The following DSCAM variants were observed in gnomAD, a reference collection of about 807,000 sequenced individuals.
DSCAM encodes the protein DS cell adhesion molecule, also known as cell adhesion molecule DSCAM.
Under a neutral mutation model 217.7 loss-of-function variants are expected in DSCAM, and 47 were observed. That is an observed-to-expected ratio of 0.22 (90% CI 0.17 to 0.28). The LOEUF (loss-of-function observed/expected upper bound fraction) is 0.28. Ranked by LOEUF, DSCAM falls within the 10% of genes least tolerant of loss-of-function variation. The pLI, the probability that DSCAM is intolerant of heterozygous loss-of-function variation, is 1.00. For missense variants in DSCAM, 2,080 were observed against 2,618.3 expected, an observed-to-expected ratio of 0.79 and a Z score of 4.49; for synonymous variants, 1,056 against 1,015.3, an observed-to-expected ratio of 1.04 and a Z score of -0.76.
At position 40,312,191 on chromosome 21, in the gene DSCAM, G is replaced by A. The variant is rs778265366; in HGVS notation, c.1952C>T (p.Thr651Met). 7.4e-6 allele frequency: 12 copies of A among 1,613,996 alleles called. No individual in the cohort carries two copies. Among genetic ancestry groups the A allele is most frequent in the South Asian group, 5.5e-5 (5 of 91,072 alleles). The change falls in exon 9 of 33, where the codon ACG becomes ATG. Residue 651 changes from threonine to methionine, a missense_variant. Physicochemically the swap from Thr to Met is moderately conservative, Grantham distance 81. Transcript: ENST00000400454. ...GAGATTGGAAATCCTCAAGGAGCTC[G>A]TGAAGTCAATATTGTCAATGGTCAC... ...LGVTIDNIDF[T>M]SSLRISNLSL... is the part of the protein sequence containing the mutation.
At chr21:40,579,678 G>A (rs189155334) in intron 3 of DSCAM, among the ~76,000 whole-genome samples, 16 of 152,266 alleles carry the variant, frequency 1.1e-4, no homozygotes, top group African/African-American at 2.9e-4. Context: ...AGTTAAGATC[G>A]TCGCTAGAAA....
At chr21:40,192,929 G>A (rs2090967648) in intron 11 of DSCAM, among the ~76,000 whole-genome samples, 1 of 152,082 alleles carries the variant, frequency 6.6e-6, no homozygotes, top group Non-Finnish European at 1.5e-5. Context: ...TTTTTTTCCA[G>A]GAGAGATTCC....
intron 3 of DSCAM, among the ~76,000 whole-genome samples, chr21:40,599,436 T>A (rs1003923803): frequency 6.6e-6 from 1 of 152,130 alleles, no homozygotes; most frequent in Non-Finnish European, 1.5e-5. Flanking sequence ...TGTGTTATCA[T>A]TGTTCTGGGA....
At chr21:40,124,465 C>A (rs1378583688) in intron 19 of DSCAM, 137 bp from the exon 20 acceptor site, 5 of 1,083,704 alleles carry the variant, frequency 4.6e-6, no homozygotes, top group East Asian at 2.5e-5. Context: ...CTGTGTCCCC[C>A]CAAATGCATA....
intron 32 of DSCAM, among the ~76,000 whole-genome samples, chr21:40,030,396 T>TA (rs973168110): frequency 3.9e-5 from 6 of 152,000 alleles, no homozygotes; most frequent in Non-Finnish European, 8.8e-5. Context: ...AGGAAGGGGA[T>TA]AAAACGTGGG....
At chr21:40,554,207 T>C (rs1283703770) in intron 3 of DSCAM, among the ~76,000 whole-genome samples, 1 of 152,004 alleles carries the variant, frequency 6.6e-6, no homozygotes, top group East Asian at 1.9e-4. Context: ...TTTTTTTTTT[T>C]TTTTTTAATG....
intron 13 of DSCAM, 86 bp downstream of exon 13, chr21:40,187,805 T>G (rs998378708): frequency 1.9e-5 from 23 of 1,186,198 alleles, no homozygotes; most frequent in Middle Eastern, 1.9e-4. Flanking sequence ...CATGGCAAGT[T>G]GAGGACACAG....
chr21:40,025,850 G>C (rs1568895809), intron 32 of DSCAM, among the ~76,000 whole-genome samples: 1 of 150,540 alleles, frequency 6.6e-6, no homozygotes, highest in Non-Finnish European at 1.5e-5. Flanking sequence ...TTTTTGAAGG[G>C]TTTTTTGTGT....
At chr21:40,686,526 G>A (rs1271341052) in intron 3 of DSCAM, among the ~76,000 whole-genome samples, 1 of 152,024 alleles carries the variant, frequency 6.6e-6, no homozygotes, top group African/African-American at 2.4e-5. Flanking sequence ...TTCTTTTCTT[G>A]TTTTCTTTTT....
At chr21:40,252,939 C>A (rs78443242) in intron 11 of DSCAM, among the ~76,000 whole-genome samples, 1 of 152,008 alleles carries the variant, frequency 6.6e-6, no homozygotes, top group Non-Finnish European at 1.5e-5. Flanking sequence ...AAGTAAGGGG[C>A]GGGGGGCTGA....
rs112111569 is a variant in DSCAM, at chr21:40,646,410, CAAAA to C, written c.508+46396_508+46399del. On this transcript the variant is annotated intron_variant, in intron 3 of 32. Coordinates refer to ENST00000400454, the MANE Select transcript of DSCAM (RefSeq NM_001389.5). ...TGGGCAACAGAGTGAGAGACTCTGT[CAAAA>C]AAAAAAAAAAAAAAGGGGGGCTGTT... is the stretch of plus-strand genomic sequence containing the variant. Among the ~76,000 whole-genome samples the C allele has an allele frequency of 1.2e-3, 153 of 129,086 alleles. 2 individuals carry two copies. Among genetic ancestry groups the C allele is most frequent in the South Asian group, 2.0e-3 (8 of 4,094 alleles). The allele number at this position is 129,086 out of a possible 152,430, so 84.7% of individuals were successfully genotyped here. A position where few individuals can be genotyped will look rare whatever the true frequency, so the allele number is the denominator to read the frequency against.
intron 8 of DSCAM, 71 bp from the exon 9 acceptor site, chr21:40,312,430 C>A (rs1035721258): frequency 9.8e-6 from 15 of 1,536,860 alleles, no homozygotes; most frequent in Non-Finnish European, 1.3e-5. Flanking sequence ...ACCCTGTATA[C>A]GGCACTGAAA....
At chr21:40,075,642 G>GGA (rs1004936118) in intron 26 of DSCAM, among the ~76,000 whole-genome samples, 2 of 152,170 alleles carry the variant, frequency 1.3e-5, no homozygotes, top group Non-Finnish European at 2.9e-5. Flanking sequence ...GCGTGTGCAG[G>GGA]GAGAGGGTCC....
In DSCAM at chr21:40,144,543, C is replaced by T; in HGVS notation, c.3207G>A (p.Arg1069=). Residue 1069 remains arginine, a synonymous_variant, in exon 17 of 33, where the codon CGG becomes CGA. Transcript: ENST00000400454. The surrounding 1 kb of genome is among the most constrained non-coding windows in gnomAD (Gnocchi z 4.8). ...CCTGAGAAGAAGGCCCCGTGCCGGC[C>T]CGGTTACAGGCCTGCACCACCAGGC... The part of the protein sequence containing the change: ...QYGLVVQACN[R]AGTGPSSQEI... The T allele has an allele frequency of 1.2e-6, 2 of 1,614,184 alleles. No homozygotes were observed. Among genetic ancestry groups the T allele is most frequent in the Non-Finnish European group, 1.7e-6 (2 of 1,180,026 alleles).
chr21:40,845,211 A>G (rs144771533), intron 1 of DSCAM, among the ~76,000 whole-genome samples: 193 of 152,338 alleles, frequency 1.3e-3, no homozygotes, highest in African/African-American at 4.3e-3. Flanking sequence ...TCTCAAAATG[A>G]AAGTTTCAAA....
intron 3 of DSCAM, among the ~76,000 whole-genome samples, chr21:40,425,921 T>C (rs2075470631): frequency 6.6e-6 from 1 of 152,212 alleles, no homozygotes; most frequent in Non-Finnish European, 1.5e-5. Context: ...TGGATATCTA[T>C]CTATATATAA....
intron 21 of DSCAM, 52 bp downstream of exon 21, chr21:40,093,669 T>C: frequency 6.2e-7 from 1 of 1,603,408 alleles, no homozygotes; most frequent in Non-Finnish European, 8.5e-7. Flanking sequence ...AATAGAGACT[T>C]AAAAACAGTC....
At chr21:40,845,567 C>CTCTCTCTG (rs1002506959) in intron 1 of DSCAM, among the ~76,000 whole-genome samples, 4 of 149,500 alleles carry the variant, frequency 2.7e-5, no homozygotes, top group Non-Finnish European at 6.0e-5. Context: ...CTCTCTCTCT[C>CTCTCTCTG]TCTGTCTCTG....
At chr21:40,116,494 G>T (rs554080788) in intron 20 of DSCAM, among the ~76,000 whole-genome samples, 2 of 151,998 alleles carry the variant, frequency 1.3e-5, no homozygotes, top group Non-Finnish European at 2.9e-5. Context: ...TTTTCCAGCC[G>T]TATGATTCCA....
Sources: gnomAD v4.1 joint callset for allele counts (sites outside exome capture counted in the v4.1 genomes callset) on GRCh38, gnomAD v4.1.1 for gene constraint, Gnocchi (gnomAD v3.1) non-coding constraint, MANE v1.5 for transcripts, NCBI Gene and HGNC (gene_info 2026-07-23, HGNC 2026-07-21) for gene names.